TTC21B: variants seen among roughly 807,000 people sequenced by gnomAD.
TTC21B encodes the protein tetratricopeptide repeat domain 21B, also known as tetratricopeptide repeat protein 21B.
In TTC21B, 127 loss-of-function variants were observed where a neutral mutation model predicts 175.1. The ratio of observed to expected loss-of-function variants is 0.73; its 90% CI spans 0.63 to 0.84. The LOEUF is 0.84. Ranked by LOEUF, TTC21B falls within the 40% of genes least tolerant of loss-of-function variation. The probability of loss-of-function intolerance (pLI) is 0.00; values close to 1 mark genes in which losing one functional copy is unlikely to be tolerated. For missense variants in TTC21B, 1,561 were observed against 1,558.3 expected (o/e 1.00, Z -0.03); for synonymous variants, 524 against 524.5 (o/e 1.00, Z 0.01).
chr2:165,880,719 C>A lies in TTC21B; in HGVS notation c.3765G>T (p.Glu1255Asp). 6.2e-7 allele frequency: 1 copy of A among 1,613,610 alleles called. No individual in the cohort carries two copies. Among genetic ancestry groups the A allele is most frequent in the Non-Finnish European group, 8.5e-7 (1 of 1,179,812 alleles). ...TCCGATTGCTATATTTCCATGCCAT[C>A]TCATAGTTCAAGGCAGCATCTGTAT... The part of the protein sequence containing the change: ...QAYTDAALNY[E>D]MAWKYSNRTN... The change falls in exon 27 of 29, where the codon GAG (glutamate) becomes GAT (aspartate). Residue 1255 changes from glutamate (E) to aspartate (D), a missense_variant. By Grantham distance (45) the Glu-to-Asp change is conservative (BLOSUM62 2). Coordinates refer to ENST00000243344, the MANE Select transcript of TTC21B (RefSeq NM_024753.5).
rs182185583 is a variant in TTC21B at position 165,917,578 on chromosome 2, A to G, written c.1675-97T>C. ...TTAAAATAATGAGATCACTGAGAAC[A>G]GTCCATCTTTGATTGTATGCATGAG... On this transcript the variant is annotated intron_variant, in intron 13 of 28. Transcript: ENST00000243344. 3,959 of 999,334 alleles carry G rather than the reference A, an allele frequency of 4.0e-3. 60 individuals are homozygous for G. Among genetic ancestry groups the G allele is most frequent in the South Asian group, 0.029 (2,121 of 73,820 alleles). 61.9% of individuals were successfully genotyped at this position (999,334 alleles called of 1,614,324 possible).
rs1439121645 is a variant in TTC21B at position 165,907,752 on chromosome 2, G to A, written c.2494C>T (p.Arg832Cys). ...NELSALMEDG[R>C]CQVLLAKVYS... ...ACTTTTGCTAGAAGAACTTGACAAC[G>A]TCCATCCTCCATGAGAGCTGACAGT... The change falls in exon 19 of 29, where the codon CGT becomes TGT. Residue 832 changes from arginine (R) to cysteine (C), a missense_variant. By Grantham distance (180) the Arg-to-Cys change is radical. Transcript: ENST00000243344. The A allele has an allele frequency of 2.5e-6, 4 of 1,612,694 alleles. No individual in the cohort carries two copies. The highest frequency in any genetic ancestry group is 3.4e-6 in the Non-Finnish European group (4 of 1,179,382).
At chr2:165,887,992 G>A (rs188697675) in intron 25 of TTC21B, among the ~76,000 whole-genome samples, 1 of 152,160 alleles carries the variant, frequency 6.6e-6, no homozygotes, top group East Asian at 1.9e-4. Context: ...AATTCTCCAG[G>A]GGATAAAGTG....
In TTC21B at chr2:165,924,624, G is replaced by A. The variant is rs773128226; in HGVS notation, c.1441C>T (p.Leu481=). ...GGAACAGTTCTTACTACAGTCTCCA[G>A]GACTGAGATGCAACGCCTGAGAAGT... ...CPLLRRCISV[L]ETVVRTVPGL... is the part of the protein sequence containing the mutation. Residue 481 remains leucine, a synonymous_variant, in exon 12 of 29, where the codon CTG becomes TTG. Coordinates refer to ENST00000243344, the MANE Select transcript of TTC21B (RefSeq NM_024753.5). The A allele has an allele frequency of 1.3e-5, 21 of 1,613,652 alleles. No individual in the cohort carries two copies. Among genetic ancestry groups the A allele is most frequent in the Non-Finnish European group, 1.8e-5 (21 of 1,179,820 alleles).
chr2:165,885,541 C>G (rs1684975473), intron 25 of TTC21B, among the ~76,000 whole-genome samples: 1 of 152,148 alleles, frequency 6.6e-6, no homozygotes, highest in South Asian at 2.1e-4. Flanking sequence ...GCCTCACCCT[C>G]TCCCCACCTC....
chr2:165,937,010 G>A (rs1035746886), intron 6 of TTC21B, among the ~76,000 whole-genome samples: 2 of 152,016 alleles, frequency 1.3e-5, no homozygotes, highest in Non-Finnish European at 2.9e-5. Context: ...GGTTATAGTA[G>A]CTTTATTCAT....
At chr2:165,952,161 C>T (rs1024295790) in intron 1 of TTC21B, among the ~76,000 whole-genome samples, 2 of 152,192 alleles carry the variant, frequency 1.3e-5, no homozygotes, top group Non-Finnish European at 2.9e-5. Context: ...GTTTGGCAAA[C>T]CACACTCTGT....
chr2:165,875,387 G>A (rs531421818), intron 28 of TTC21B, among the ~76,000 whole-genome samples: 2 of 151,984 alleles, frequency 1.3e-5, no homozygotes, highest in African/African-American at 2.4e-5. Context: ...CAATTACTAA[G>A]GCCAAGTATT....
intron 25 of TTC21B, among the ~76,000 whole-genome samples, chr2:165,887,960 T>C (rs1559040383): frequency 6.6e-6 from 1 of 152,198 alleles, no homozygotes; most frequent in Non-Finnish European, 1.5e-5. Context: ...TAAGTTAATC[T>C]TGGCTACATC....
intron 25 of TTC21B, among the ~76,000 whole-genome samples, chr2:165,886,985 T>C (rs533144219): frequency 1.3e-5 from 2 of 152,324 alleles, no homozygotes; most frequent in South Asian, 4.1e-4. Context: ...CAGAAGGGCC[T>C]TGCTTTGGAG....
rs1331043642 is a variant in TTC21B at position 165,929,677 on chromosome 2, T to G, written c.1158A>C (p.Glu386Asp). 6.8e-6 allele frequency: 11 copies of G among 1,612,634 alleles called. No individual in the cohort carries two copies. Among genetic ancestry groups the G allele is most frequent in the Non-Finnish European group, 9.3e-6 (11 of 1,179,054 alleles). Residue 386 changes from glutamate to aspartate, a missense_variant, in exon 10 of 29, where the codon GAA becomes GAC. Coordinates refer to ENST00000243344, the MANE Select transcript of TTC21B (RefSeq NM_024753.5). ...CAGATTTTCCAATGGATTGCTGGAT[T>G]TCATTTAAAAATTCTAGCTGCTGAT... ...DADQQLEFLNEIQQSIGKSAE... is the reference protein window; with the variant it reads ...DADQQLEFLNDIQQSIGKSAE...
chr2:165,931,663 T>C, intron 8 of TTC21B, 95 bp downstream of exon 8: 2 of 1,014,202 alleles, frequency 2.0e-6, no homozygotes, highest in East Asian at 2.5e-5. Context: ...ATTTGCACTC[T>C]AGGCCATATG....
In TTC21B at chr2:165,929,708, T is replaced by C; in HGVS notation, c.1127A>G (p.Asp376Gly). 2 of 1,612,858 alleles carry C rather than the reference T, an allele frequency of 1.2e-6. No individual in the cohort carries two copies. The highest frequency in any genetic ancestry group is 1.7e-6 in the Non-Finnish European group (2 of 1,179,262). ...QCQLIEGQLQ[D>G]ADQQLEFLNE... ...TAAAAATTCTAGCTGCTGATCTGCA[T>C]CCTGTAATTGCCCTTCTATCAACTG... Residue 376 changes from aspartate to glycine, a missense_variant, in exon 10 of 29, where the codon GAT becomes GGT. Transcript: ENST00000243344.
At chr2:165,924,231 A>G (rs1359834365) in intron 12 of TTC21B, among the ~76,000 whole-genome samples, 1 of 152,234 alleles carries the variant, frequency 6.6e-6, no homozygotes, top group African/African-American at 2.4e-5. Context: ...TGGTTATACC[A>G]GTAAGAACAC....
In TTC21B at chr2:165,929,664, T is replaced by C; in HGVS notation, c.1171A>G (p.Ile391Val). 2 of 1,611,824 alleles carry C rather than the reference T, an allele frequency of 1.2e-6. No individual in the cohort carries two copies. The highest frequency in any genetic ancestry group is 1.7e-6 in the Non-Finnish European group (2 of 1,178,316). The change falls in exon 10 of 29, where the codon ATT becomes GTT. Residue 391 changes from isoleucine to valine, a missense_variant. By Grantham distance (29) the Ile-to-Val change is conservative. Transcript: ENST00000243344. ...LEFLNEIQQS[I>V]GKSAELIYLH... is the part of the protein sequence containing the mutation. The stretch of plus-strand genomic sequence containing the variant: ...AAATACTGTACCGCAGATTTTCCAA[T>C]GGATTGCTGGATTTCATTTAAAAAT...
chr2:165,914,462 A>G (rs149228567), intron 15 of TTC21B, among the ~76,000 whole-genome samples: 2 of 152,322 alleles, frequency 1.3e-5, no homozygotes, highest in African/African-American at 4.8e-5. Context: ...GGTGCTGCTC[A>G]GTTTCTCTGA....
intron 23 of TTC21B, 61 bp downstream of exon 23, chr2:165,890,777 T>C: frequency 1.3e-6 from 2 of 1,570,540 alleles, no homozygotes; most frequent in Admixed American, 1.7e-5. Context: ...GAAAAGCTTA[T>C]TCTACTTGAT....
chr2:165,909,054 C>A (rs917074322), intron 18 of TTC21B, among the ~76,000 whole-genome samples: 1 of 151,944 alleles, frequency 6.6e-6, no homozygotes, highest in Non-Finnish European at 1.5e-5. Context: ...TAAAGCTACA[C>A]TAAACATGTT....
At chr2:165,885,600 T>C (rs1056221760) in intron 25 of TTC21B, among the ~76,000 whole-genome samples, 1 of 152,200 alleles carries the variant, frequency 6.6e-6, no homozygotes. Flanking sequence ...AGGCCTGCTA[T>C]GTATTTGTCA....
Sources: allele counts gnomAD v4.1 joint callset (sites outside exome capture counted in the v4.1 genomes callset), GRCh38; gene constraint gnomAD v4.1.1; transcripts MANE v1.5; gene names NCBI Gene and HGNC (gene_info 2026-07-23, HGNC 2026-07-21).